The following FRMD8 variants were observed in gnomAD, a reference collection of about 807,000 sequenced individuals.
FRMD8 encodes FERM domain-containing protein 8.
FRMD8 carries 37 observed loss-of-function variants against 54.2 expected under a neutral mutation model. The observed-to-expected ratio is 0.68, with a 90% CI of 0.53 to 0.90. The LOEUF (loss-of-function observed/expected upper bound fraction) is 0.90. FRMD8 is among the 40% of genes least tolerant of loss of function. The probability of loss-of-function intolerance (pLI) is 0.00; values close to 1 mark genes in which losing one functional copy is unlikely to be tolerated. For synonymous variants in FRMD8, 246 were observed against 286.9 expected (o/e 0.86, Z 1.44); for missense variants, 585 against 653.7 (o/e 0.89, Z 1.15).
rs1030430142 is a variant in FRMD8, at chr11:65,400,321, T to C, written c.928-403T>C. ...ATTTGCTCCTAAGCCAGCAGAAGAG[T>C]TTTGGCTGGCTTCTGGTTGTCCCGG... On this transcript the variant is annotated intron_variant, in intron 8 of 10. Transcript: ENST00000317568. The surrounding 1 kb of genome is among the most constrained non-coding windows in gnomAD (Gnocchi z 4.3). Among the ~76,000 whole-genome samples the C allele has an allele frequency of 1.3e-4, 20 of 151,924 alleles. No individual in the cohort carries two copies. The highest frequency in any genetic ancestry group is 2.1e-4 in the South Asian group (1 of 4,826).
At chr11:65,379,910 C>T in the FRMD8 span, 190 of 1,614,216 alleles carry the variant, frequency 1.2e-4, no homozygotes, top group South Asian at 9.9e-4. Flanking sequence ...AACGATGCCC[C>T]GGTAGGTGGT....
chr11:65,381,544 C>A, the FRMD8 span: 1 of 245,664 alleles, frequency 4.1e-6, no homozygotes, highest in South Asian at 4.7e-5. Flanking sequence ...CAGGTGTGAG[C>A]CACCATGCCC....
Position 65,400,645 on chromosome 11 carries a change from C to T in FRMD8, c.928-79C>T. 7.1e-7 allele frequency: 1 copy of T among 1,399,352 alleles called. No homozygotes were observed. The highest frequency in any genetic ancestry group is 9.5e-7 in the Non-Finnish European group (1 of 1,051,280). 86.7% of individuals were successfully genotyped at this position (1,399,352 alleles called of 1,614,324 possible). On this transcript the variant is annotated intron_variant, in intron 8 of 10. Transcript: ENST00000317568. The surrounding 1 kb of genome is among the most constrained non-coding windows in gnomAD (Gnocchi z 4.3). ...GCCTTGGAGAGGCACACACCCTGGC[C>T]AGGTGTCTGAGTGGGATGGGGTGGG...
Position 65,400,955 on chromosome 11 carries a change from C to T in FRMD8, c.1071+88C>T. 1 of 1,423,036 alleles carries T rather than the reference C, an allele frequency of 7.0e-7. No individual in the cohort carries two copies. Among genetic ancestry groups the T allele is most frequent in the Non-Finnish European group, 9.4e-7 (1 of 1,063,038 alleles). The allele number at this position is 1,423,036 out of a possible 1,614,324, so 88.2% of individuals were successfully genotyped here. ...CAATTAGAGGCACCAGGCTGGCGGG[C>T]AAGGAGGTGAGAAGCTGCCTTGGGC... On this transcript the variant is annotated intron_variant, in intron 9 of 10. Coordinates refer to ENST00000317568, the MANE Select transcript of FRMD8 (RefSeq NM_031904.5). The surrounding 1 kb of genome is among the most constrained non-coding windows in gnomAD (Gnocchi z 4.3).
chr11:65,399,533 C>A (rs1396940786), intron 7 of FRMD8, among the ~76,000 whole-genome samples: 1 of 152,216 alleles, frequency 6.6e-6, no homozygotes, highest in African/African-American at 2.4e-5. Flanking sequence ...TCAGGCCCTT[C>A]TCCCTCCGGT....
chr11:65,382,186 C>A, upstream of FRMD8: 4 of 571,148 alleles, frequency 7.0e-6, no homozygotes, highest in Non-Finnish European at 1.3e-5. The surrounding 1 kb of genome is among the most constrained non-coding windows in gnomAD (Gnocchi z 4.4). Context: ...CCAGGCGTGC[C>A]GGGACCACAG....
intron 9 of FRMD8, among the ~76,000 whole-genome samples, chr11:65,401,439 C>T (rs1250830492): frequency 6.8e-6 from 1 of 146,044 alleles, no homozygotes; most frequent in East Asian, 2.0e-4. Flanking sequence ...ACGCCCCTCC[C>T]TCCCACAGGG....
At chr11:65,407,337 C>T (rs954543805) in intron 10 of FRMD8, among the ~76,000 whole-genome samples, 10 of 151,836 alleles carry the variant, frequency 6.6e-5, no homozygotes, top group African/African-American at 2.2e-4. Flanking sequence ...CTGCAACCTC[C>T]GCACCCTGGG....
intron 7 of FRMD8, among the ~76,000 whole-genome samples, chr11:65,399,032 C>G (rs1167990243): frequency 8.1e-5 from 11 of 136,524 alleles, no homozygotes; most frequent in African/African-American, 3.0e-4. Flanking sequence ...GAGTCTCGCT[C>G]TGTTGCCCAG....
intron 1 of FRMD8, 46 bp from the exon 2 acceptor site, chr11:65,386,991 C>G (rs1412704834): frequency 7.1e-6 from 11 of 1,545,132 alleles, no homozygotes; most frequent in Non-Finnish European, 8.8e-6. Flanking sequence ...CCTCCAGCCC[C>G]CCATCCCTGG....
At chr11:65,379,272 G>A in the FRMD8 span, 139 of 1,339,708 alleles carry the variant, frequency 1.0e-4, no homozygotes, top group Non-Finnish European at 1.3e-4. Flanking sequence ...CCTCCAAGAG[G>A]CCTATGCCTC....
upstream of FRMD8, among the ~76,000 whole-genome samples, chr11:65,384,535 T>C (rs1420151758): frequency 6.6e-6 from 1 of 152,140 alleles, no homozygotes; most frequent in Non-Finnish European, 1.5e-5. Flanking sequence ...AAAAAGTGGC[T>C]GGCACGTAAA....
upstream of FRMD8, chr11:65,381,992 C>G: frequency 6.4e-7 from 1 of 1,567,808 alleles, no homozygotes; most frequent in South Asian, 1.1e-5. Flanking sequence ...GCAGAGGAGA[C>G]AGAGTTGAAT....
At chr11:65,379,830 C>T in the FRMD8 span, 25 of 1,612,926 alleles carry the variant, frequency 1.5e-5, no homozygotes, top group East Asian at 6.7e-5. Context: ...GATGCCTCCC[C>T]GAAAGGGGAA....
At chr11:65,398,399 C>T (rs1856001463) in intron 7 of FRMD8, among the ~76,000 whole-genome samples, 1 of 152,220 alleles carries the variant, frequency 6.6e-6, no homozygotes, top group African/African-American at 2.4e-5. Context: ...AACTGGAGCT[C>T]GTATTTGGCG....
intron 4 of FRMD8, 100 bp from the exon 5 acceptor site, chr11:65,393,941 C>T: frequency 7.7e-7 from 1 of 1,294,538 alleles, no homozygotes; most frequent in Non-Finnish European, 1.1e-6. Context: ...TTTTCTCAGC[C>T]CTGGTGGGTG....
intron 2 of FRMD8, 57 bp downstream of exon 2, chr11:65,387,178 A>G (rs914382067): frequency 1.2e-5 from 16 of 1,339,052 alleles, no homozygotes; most frequent in African/African-American, 4.3e-5. Flanking sequence ...GCCCTGGAGA[A>G]GTAGCTCTGG....
rs906636034 is a variant in FRMD8 at position 65,387,358 on chromosome 11, C to T, written c.85+237C>T. On this transcript the variant is annotated intron_variant, in intron 2 of 10. Coordinates refer to ENST00000317568, the MANE Select transcript of FRMD8 (RefSeq NM_031904.5). Reference sequence around the variant, plus strand: ...GCTTGTTTAACATAGCTGTGAAATTCAAATGAGATTATATGAATGAAAAGT... The same window carrying T: ...GCTTGTTTAACATAGCTGTGAAATTTAAATGAGATTATATGAATGAAAAGT... The T allele has an allele frequency of 7.9e-6, 5 of 632,650 alleles. No individual in the cohort carries two copies. In the South Asian group the frequency reaches 9.2e-5, roughly 12 times the overall value. The allele number at this position is 632,650 out of a possible 1,614,324, so 39.2% of individuals were successfully genotyped here. A position where few individuals can be genotyped will look rare whatever the true frequency, so the allele number is the denominator to read the frequency against.
At chr11:65,393,099 G>A (rs1455040946) in intron 3 of FRMD8, among the ~76,000 whole-genome samples, 1 of 152,232 alleles carries the variant, frequency 6.6e-6, no homozygotes, top group African/African-American at 2.4e-5. Context: ...TGGAAGGTCA[G>A]CTGGAGCTCC....
Sources: allele counts gnomAD v4.1 joint callset (sites outside exome capture counted in the v4.1 genomes callset), GRCh38; gene constraint gnomAD v4.1.1; non-coding constraint Gnocchi (gnomAD v3.1); transcripts MANE v1.5; gene names NCBI Gene and HGNC (gene_info 2026-07-23, HGNC 2026-07-21).